The following DCT variants were observed in gnomAD, a reference collection of about 807,000 sequenced individuals.
The protein encoded by DCT is dopachrome tautomerase.
A neutral mutation model predicts 53.0 loss-of-function variants in DCT; 47 were observed. That is an observed-to-expected ratio of 0.89 (90% CI 0.70 to 1.13). The LOEUF is 1.13. DCT is among the 50% of genes most tolerant of loss of function. The pLI, the probability that DCT is intolerant of heterozygous loss-of-function variation, is 0.00. For synonymous variants in DCT, 244 were observed against 237.0 expected, an observed-to-expected ratio of 1.03 and a Z score of -0.27; for missense variants, 669 against 637.4, an observed-to-expected ratio of 1.05 and a Z score of -0.53.
At chr13:94,496,353 C>G in the DCT span, among the ~76,000 whole-genome samples, 10 of 151,998 alleles carry the variant, frequency 6.6e-5, no homozygotes, top group African/African-American at 2.4e-4. Flanking sequence ...ACCACCACAC[C>G]CGGCTAATTT....
At chr13:94,489,277 G>A in the DCT span, among the ~76,000 whole-genome samples, 2 of 152,104 alleles carry the variant, frequency 1.3e-5, no homozygotes, top group African/African-American at 4.8e-5. Context: ...GGAGTTTCCT[G>A]GAAGTATTAA....
At chr13:94,493,552 G>A in the DCT span, among the ~76,000 whole-genome samples, 1 of 152,160 alleles carries the variant, frequency 6.6e-6, no homozygotes, top group African/African-American at 2.4e-5. Flanking sequence ...AATATGTGCA[G>A]TATATTATAC....
intron 1 of DCT, among the ~76,000 whole-genome samples, chr13:94,470,528 A>C (rs1884574607): frequency 6.6e-6 from 1 of 152,160 alleles, no homozygotes; most frequent in South Asian, 2.1e-4. Flanking sequence ...TTAGAGCACA[A>C]GATTGAAACG....
chr13:94,504,635 C>T, the DCT span, among the ~76,000 whole-genome samples: 1 of 152,110 alleles, frequency 6.6e-6, no homozygotes, highest in South Asian at 2.1e-4. Context: ...TTTCAAAGTG[C>T]TGGGATTACA....
the DCT span, among the ~76,000 whole-genome samples, chr13:94,497,707 G>A: frequency 6.6e-6 from 1 of 152,218 alleles, no homozygotes; most frequent in African/African-American, 2.4e-5. Flanking sequence ...GGAGGAGGAA[G>A]AAGAGGGGTT....
the DCT span, among the ~76,000 whole-genome samples, chr13:94,547,316 C>G: frequency 6.4e-4 from 97 of 152,058 alleles, 1 homozygote; most frequent in Admixed American, 1.0e-3. Context: ...GGGGTTTCAC[C>G]ATGTTGGCCA....
intron 6 of DCT, chr13:94,445,749 C>A: frequency 6.3e-7 from 1 of 1,584,844 alleles, no homozygotes; most frequent in Non-Finnish European, 8.6e-7. Flanking sequence ...GTTCCTTGGT[C>A]GCTTTCTCTT....
intron 4 of DCT, among the ~76,000 whole-genome samples, chr13:94,464,132 C>G (rs534108992): frequency 1.3e-5 from 2 of 152,206 alleles, no homozygotes; most frequent in Non-Finnish European, 2.9e-5. Context: ...CTGATGATGT[C>G]CCTGCTCGTG....
chr13:94,488,942 T>A, the DCT span, among the ~76,000 whole-genome samples: 5,865 of 152,128 alleles, frequency 0.039, 137 homozygotes, highest in Middle Eastern at 0.058. Context: ...GAACTCACTA[T>A]GTTTATGCTA....
At chr13:94,456,456 G>T (rs1030274834) in intron 6 of DCT, among the ~76,000 whole-genome samples, 2 of 152,238 alleles carry the variant, frequency 1.3e-5, no homozygotes, top group Admixed American at 1.3e-4. Context: ...TTCTGACTTT[G>T]TGCTTATTAG....
chr13:94,499,500 C>T, the DCT span, among the ~76,000 whole-genome samples: 241 of 151,720 alleles, frequency 1.6e-3, 1 homozygote, highest in African/African-American at 5.7e-3. Flanking sequence ...TCCAAAGCAC[C>T]AAGCAGTGGC....
At position 94,479,498 on chromosome 13, in the gene DCT, T is replaced by C. The variant is rs371350365; in HGVS notation, c.-243A>G. 5.8e-5 allele frequency: 25 copies of C among 431,760 alleles called. No individual in the cohort carries two copies. In the South Asian group the frequency reaches 1.2e-3, roughly 20 times the overall value. 26.7% of individuals were successfully genotyped at this position (431,760 alleles called of 1,614,324 possible). ...AAACAACTAACAGACTTAATTTCCT[T>C]AGAAGCGCCTCTAACAACCAAATTT... On this transcript the variant is annotated 5_prime_UTR_variant, in exon 1 of 8. Transcript: ENST00000377028.
At chr13:94,476,506 C>G (rs1885097277) in intron 1 of DCT, among the ~76,000 whole-genome samples, 1 of 136,762 alleles carries the variant, frequency 7.3e-6, no homozygotes, top group South Asian at 2.4e-4. Flanking sequence ...CACAGTCTCA[C>G]TCTATTGTTG....
At chr13:94,478,316 G>A (rs966092080) in intron 1 of DCT, among the ~76,000 whole-genome samples, 3 of 151,864 alleles carry the variant, frequency 2.0e-5, no homozygotes, top group East Asian at 1.9e-4. Flanking sequence ...ACCCCGTCTC[G>A]AAATACAAAA....
chr13:94,542,547 G>A, the DCT span, among the ~76,000 whole-genome samples: 57,301 of 151,958 alleles, frequency 0.38, 11,212 homozygotes, highest in East Asian at 0.61. Flanking sequence ...GGCCACTGAG[G>A]ATGGAATGGC....
the DCT span, among the ~76,000 whole-genome samples, chr13:94,488,851 T>A: frequency 2.9e-5 from 4 of 139,742 alleles, no homozygotes; most frequent in Non-Finnish European, 6.4e-5. Flanking sequence ...CACACACATA[T>A]GTACACATAC....
At position 94,439,148 on chromosome 13, in the gene DCT, T is replaced by G. The variant is rs1882094773; in HGVS notation, c.*750A>C. The G allele has an allele frequency of 6.5e-6, 1 of 153,858 alleles. No homozygotes were observed. Among genetic ancestry groups the G allele is most frequent in the African/African-American group, 2.4e-5 (1 of 41,460 alleles). 9.5% of individuals were successfully genotyped at this position (153,858 alleles called of 1,614,324 possible). A position where few individuals can be genotyped will look rare whatever the true frequency, so the allele number is the denominator to read the frequency against. ...TTATTATCTTCTCTATTTATCACTA[T>G]AGAATCAATGTGTATCCAGCTATTG... is the stretch of plus-strand genomic sequence containing the variant. On this transcript the variant is annotated 3_prime_UTR_variant, in exon 8 of 8. Coordinates refer to ENST00000377028, the MANE Select transcript of DCT (RefSeq NM_001922.5).
intron 1 of DCT, among the ~76,000 whole-genome samples, chr13:94,471,916 CAG>C (rs1313866030): frequency 6.6e-6 from 1 of 152,074 alleles, no homozygotes; most frequent in Non-Finnish European, 1.5e-5. Flanking sequence ...TGGAAGATTG[CAG>C]AGTGTGGGGG....
At chr13:94,485,800 A>G in the DCT span, among the ~76,000 whole-genome samples, 19 of 152,164 alleles carry the variant, frequency 1.2e-4, no homozygotes, top group Non-Finnish European at 2.8e-4. Context: ...ATTGCTAGGG[A>G]GTGACTGATT....
Sources: allele counts gnomAD v4.1 joint callset (sites outside exome capture counted in the v4.1 genomes callset), GRCh38; gene constraint gnomAD v4.1.1; transcripts MANE v1.5; gene names NCBI Gene and HGNC (gene_info 2026-07-23, HGNC 2026-07-21).